CYP46A1: variants seen among roughly 807,000 people sequenced by gnomAD.
CYP46A1 encodes cytochrome P450 family 46 subfamily A member 1.
A neutral mutation model predicts 63.3 loss-of-function variants in CYP46A1; 20 were observed. The observed-to-expected ratio is 0.32, with a 90% CI of 0.22 to 0.46. CYP46A1 has a LOEUF of 0.46. CYP46A1 is among the 20% of genes least tolerant of loss of function. The probability of loss-of-function intolerance (pLI) is 1.00; values close to 1 mark genes in which losing one functional copy is unlikely to be tolerated. For synonymous variants in CYP46A1, 268 were observed against 273.6 expected (o/e 0.98, Z 0.20); for missense variants, 445 against 670.8 (o/e 0.66, Z 3.72).
intron 3 of CYP46A1, among the ~76,000 whole-genome samples, chr14:99,695,882 C>T (rs1482694627): frequency 1.3e-5 from 2 of 152,146 alleles, no homozygotes; most frequent in African/African-American, 4.8e-5. Context: ...CTGCCCACCT[C>T]AGCCTTTCAA....
At chr14:99,726,504 C>T (rs2056900044) in intron 14 of CYP46A1, 53 bp from the exon 15 acceptor site, 1 of 1,465,244 alleles carries the variant, frequency 6.8e-7, no homozygotes, top group Non-Finnish European at 9.1e-7. Flanking sequence ...CATTCACTCA[C>T]TCATTCTGTC....
chr14:99,716,014 C>T lies in CYP46A1; in HGVS notation c.844+54C>T. 3 of 1,602,212 alleles carry T rather than the reference C, an allele frequency of 1.9e-6. No individual in the cohort carries two copies. The South Asian group carries it at 3.4e-5, about 18-fold the overall frequency. On this transcript the variant is annotated intron_variant, in intron 8 of 14. Coordinates refer to ENST00000261835, the MANE Select transcript of CYP46A1 (RefSeq NM_006668.2). ...AGGGCGGGGTGGGCCAGGACGTTCC[C>T]CAGGTGATACATCGCCACTGACTCT...
intron 4 of CYP46A1, 117 bp downstream of exon 4, chr14:99,699,656 G>C: frequency 9.2e-7 from 1 of 1,087,022 alleles, no homozygotes; most frequent in Non-Finnish European, 1.4e-6. Flanking sequence ...CTGGCTGCCA[G>C]GCATGTGATG....
intron 7 of CYP46A1, chr14:99,707,987 C>G: frequency 2.8e-6 from 1 of 351,374 alleles, no homozygotes; most frequent in East Asian, 6.8e-5. Context: ...TCCTGTTCCA[C>G]TGTCTCAGCA....
chr14:99,718,145 G>C lies in CYP46A1; in HGVS notation c.980+19G>C. On this transcript the variant is annotated intron_variant, in intron 10 of 14. Coordinates refer to ENST00000261835, the MANE Select transcript of CYP46A1 (RefSeq NM_006668.2). ...TGGCAAGGTATGGGGGCTGCTCTTG[G>C]GGCTGGCAAAGAGGTCTGTCTGATT... 1 of 1,611,456 alleles carries C rather than the reference G, an allele frequency of 6.2e-7. No homozygotes were observed. The highest frequency in any genetic ancestry group is 8.5e-7 in the Non-Finnish European group (1 of 1,177,902).
chr14:99,686,226 T>C (rs930986745), intron 1 of CYP46A1, among the ~76,000 whole-genome samples: 1 of 152,192 alleles, frequency 6.6e-6, no homozygotes, highest in Non-Finnish European at 1.5e-5. Context: ...GCACTTAGAA[T>C]TGAATGAGTT....
At chr14:99,694,156 C>A (rs1457504078) in intron 3 of CYP46A1, among the ~76,000 whole-genome samples, 1 of 152,200 alleles carries the variant, frequency 6.6e-6, no homozygotes, top group African/African-American at 2.4e-5. Flanking sequence ...CATGTTTCAG[C>A]ATTTCCTTCT....
At position 99,726,718 on chromosome 14, in the gene CYP46A1, C is replaced by A. The variant is rs988109980; in HGVS notation, c.1494C>A (p.Pro498=). ...PRGWQPAPPP[P]PC ...GCTGGCAGCCCGCACCCCCACCACC[C>A]CCCTGCTGAGGGGGCCTCCAGGCAG... Residue 498 remains proline, a synonymous_variant, in exon 15 of 15, where the codon CCC becomes CCA. Transcript: ENST00000261835. The A allele has an allele frequency of 1.9e-5, 29 of 1,530,046 alleles. No individual in the cohort carries two copies. The African/African-American group carries it at 2.9e-4, about 15-fold the overall frequency. The allele number at this position is 1,530,046 out of a possible 1,614,324, so 94.8% of individuals were successfully genotyped here.
intron 7 of CYP46A1, 71 bp downstream of exon 7, chr14:99,707,749 T>A: frequency 7.5e-7 from 1 of 1,329,940 alleles, no homozygotes; most frequent in Non-Finnish European, 1.0e-6. Context: ...AGAACCTCCT[T>A]CAGTGATTTT....
chr14:99,725,378 C>A lies in CYP46A1; in HGVS notation c.1177-13C>A, dbSNP rs1250626059. 3 of 1,611,438 alleles carry A rather than the reference C, an allele frequency of 1.9e-6. No homozygotes were observed. In the African/African-American group the frequency reaches 4.0e-5, roughly 22 times the overall value. On this transcript the variant is annotated splice_polypyrimidine_tract_variant and intron_variant, in intron 12 of 14. Coordinates refer to ENST00000261835, the MANE Select transcript of CYP46A1 (RefSeq NM_006668.2). This position sits in a 1 kb window ranked among gnomAD's most constrained non-coding sequence, Gnocchi z 4.2. ...ACCTGGGAACCAGAGATGAGCGGAC[C>A]CTTTGCCCGCAGTTCAGCACCTATG...
At chr14:99,724,904 G>A (rs1043311811) in intron 12 of CYP46A1, among the ~76,000 whole-genome samples, 1 of 152,226 alleles carries the variant, frequency 6.6e-6, no homozygotes, top group Non-Finnish European at 1.5e-5. Flanking sequence ...GCACGTGGAA[G>A]GCTGGTGGGG....
At position 99,707,555 on chromosome 14, in the gene CYP46A1, C is replaced by T; in HGVS notation, c.583-13C>T. The T allele has an allele frequency of 6.2e-7, 1 of 1,612,790 alleles. No homozygotes were observed. Among genetic ancestry groups the T allele is most frequent in the Non-Finnish European group, 8.5e-7 (1 of 1,178,916 alleles). On this transcript the variant is annotated splice_polypyrimidine_tract_variant and intron_variant, in intron 6 of 14. Coordinates refer to ENST00000261835, the MANE Select transcript of CYP46A1 (RefSeq NM_006668.2). ...GTGCCCCAGGGATGACCTTGCCCTTCTCTCTCCCCCAGGCAGCTTTTGGGA... is the reference window on the plus strand; with the variant it reads ...GTGCCCCAGGGATGACCTTGCCCTTTTCTCTCCCCCAGGCAGCTTTTGGGA...
chr14:99,704,830 C>G (rs182518995), intron 5 of CYP46A1, among the ~76,000 whole-genome samples: 29 of 152,248 alleles, frequency 1.9e-4, no homozygotes, highest in African/African-American at 6.5e-4. Flanking sequence ...GAGGAAGCGG[C>G]CTTTGAGTGT....
intron 12 of CYP46A1, among the ~76,000 whole-genome samples, chr14:99,723,726 A>G (rs76057882): frequency 0.036 from 5,499 of 152,274 alleles, 113 homozygotes; most frequent in Middle Eastern, 0.082. Flanking sequence ...ATTTTTAACA[A>G]TTACTTCTTT....
chr14:99,722,914 A>G lies in CYP46A1; in HGVS notation c.1176+848A>G. On this transcript the variant is annotated intron_variant, in intron 12 of 14. Coordinates refer to ENST00000261835, the MANE Select transcript of CYP46A1 (RefSeq NM_006668.2). This position sits in a 1 kb window ranked among gnomAD's most constrained non-coding sequence, Gnocchi z 4.6. ...CAGTGTGCAAGCCAGCTCCTCGGAC[A>G]TTTACCCAGAAGTGAGAGGGCTGGG... 2.2e-6 allele frequency: 1 copy of G among 454,278 alleles called. No homozygotes were observed. Among genetic ancestry groups the G allele is most frequent in the Non-Finnish European group, 4.4e-6 (1 of 225,360 alleles). 28.1% of individuals were successfully genotyped at this position (454,278 alleles called of 1,614,324 possible). A position where few individuals can be genotyped will look rare whatever the true frequency, so the allele number is the denominator to read the frequency against.
chr14:99,698,251 G>A (rs545559263), intron 3 of CYP46A1, among the ~76,000 whole-genome samples: 1 of 152,116 alleles, frequency 6.6e-6, no homozygotes, highest in South Asian at 2.1e-4. Context: ...CCTGCAGCAC[G>A]TTCCCCCTCA....
chr14:99,721,448 G>A, intron 11 of CYP46A1, 125 bp downstream of exon 11: 3 of 706,732 alleles, frequency 4.2e-6, no homozygotes, highest in South Asian at 1.7e-5. Context: ...TCCCCCGGAA[G>A]ATTTAAAGTA....
At chr14:99,702,613 T>A (rs537787254) in intron 5 of CYP46A1, among the ~76,000 whole-genome samples, 1 of 152,152 alleles carries the variant, frequency 6.6e-6, no homozygotes, top group Non-Finnish European at 1.5e-5. Context: ...ACTTATTATT[T>A]ATTATTTAAA....
At chr14:99,685,762 G>T (rs2056488643) in intron 1 of CYP46A1, among the ~76,000 whole-genome samples, 1 of 151,818 alleles carries the variant, frequency 6.6e-6, no homozygotes, top group Non-Finnish European at 1.5e-5. Context: ...GATCTCTGTG[G>T]CTGGTGACAT....
Sources: gnomAD v4.1 joint callset for allele counts (sites outside exome capture counted in the v4.1 genomes callset) on GRCh38, gnomAD v4.1.1 for gene constraint, Gnocchi (gnomAD v3.1) non-coding constraint, MANE v1.5 for transcripts, NCBI Gene and HGNC (gene_info 2026-07-23, HGNC 2026-07-21) for gene names.